The following NAPA variants were observed in gnomAD, a reference collection of about 807,000 sequenced individuals.
The protein encoded by NAPA is NSF attachment protein alpha.
NAPA carries 18 observed loss-of-function variants against 48.0 expected under a neutral mutation model. That is an observed-to-expected ratio of 0.38 (90% CI 0.26 to 0.56). The LOEUF (loss-of-function observed/expected upper bound fraction) is 0.56, where lower values mean the gene tolerates loss of function less well. Ranked by LOEUF, NAPA falls within the 20% of genes least tolerant of loss-of-function variation. The pLI is 0.77. For missense variants in NAPA, 315 were observed against 385.0 expected (o/e 0.82, Z 1.52); for synonymous variants, 152 against 149.9 (o/e 1.01, Z -0.10).
chr19:47,490,647 A>AAACAC (rs1261325817), intron 9 of NAPA, 141 bp downstream of exon 9: 35 of 517,628 alleles, frequency 6.8e-5, no homozygotes, highest in Middle Eastern at 4.8e-4. Flanking sequence ...TCAAATGGCC[A>AAACAC]AACAAAACAA....
At chr19:47,503,896 G>A (rs552364751) in intron 1 of NAPA, among the ~76,000 whole-genome samples, 1 of 152,328 alleles carries the variant, frequency 6.6e-6, no homozygotes, top group African/African-American at 2.4e-5. Flanking sequence ...GACTAGCCCA[G>A]TTTAAGACAT....
chr19:47,502,327 T>G (rs954060751), intron 2 of NAPA, among the ~76,000 whole-genome samples: 4 of 151,660 alleles, frequency 2.6e-5, no homozygotes, highest in African/African-American at 9.7e-5. Context: ...TTTGAAGAGT[T>G]TGGGGGCAGA....
At chr19:47,508,254 G>A (rs1310317819) in intron 1 of NAPA, among the ~76,000 whole-genome samples, 1 of 152,240 alleles carries the variant, frequency 6.6e-6, no homozygotes, top group Non-Finnish European at 1.5e-5. Flanking sequence ...AGGGAGCCGG[G>A]GGCCACCAGC....
Position 47,488,145 on chromosome 19 carries a change from T to A in NAPA, c.*143A>T. 1 of 696,748 alleles carries A rather than the reference T, an allele frequency of 1.4e-6. No individual in the cohort carries two copies. Among genetic ancestry groups the A allele is most frequent in the South Asian group, 1.8e-5 (1 of 55,916 alleles). The allele number at this position is 696,748 out of a possible 1,614,324, so 43.2% of individuals were successfully genotyped here. A position where few individuals can be genotyped will look rare whatever the true frequency, so the allele number is the denominator to read the frequency against. On this transcript the variant is annotated 3_prime_UTR_variant, in exon 11 of 11. Transcript: ENST00000263354. ...AGCCTGGGCCTCTGGCGCCCCTGCA[T>A]GCTGACCCCCGGTGCCACCTGCCCA...
intron 1 of NAPA, among the ~76,000 whole-genome samples, chr19:47,510,576 T>G (rs950553748): frequency 2.0e-5 from 3 of 152,218 alleles, no homozygotes; most frequent in African/African-American, 4.8e-5. Context: ...AAACTCCCTC[T>G]ACACGTTTGT....
At chr19:47,505,348 T>C (rs1202777196) in intron 1 of NAPA, 1 of 152,184 alleles carries the variant, frequency 6.6e-6, no homozygotes, top group Non-Finnish European at 1.5e-5. Context: ...TGGGAACTTG[T>C]CCACACCAAC....
rs1205331519 is a variant in NAPA, at chr19:47,492,767, C to T, written c.561+194G>A. The T allele has an allele frequency of 8.6e-6, 6 of 699,310 alleles. No individual in the cohort carries two copies. The East Asian group carries it at 1.6e-4, about 19-fold the overall frequency. The allele number at this position is 699,310 out of a possible 1,614,324, so 43.3% of individuals were successfully genotyped here. On this transcript the variant is annotated intron_variant, in intron 7 of 10. Transcript: ENST00000263354. ...AGGGAGAGAGACGGTGCTGGCACGG[C>T]ATGGAGTCGTAGGTGGAGAACATTC... is the stretch of plus-strand genomic sequence containing the variant.
chr19:47,490,347 ATG>A (rs1484360606), intron 9 of NAPA, among the ~76,000 whole-genome samples: 1 of 96,638 alleles, frequency 1.0e-5, no homozygotes, highest in African/African-American at 4.2e-5. Flanking sequence ...GTGGTGTGTG[ATG>A]TGTTTGCTGT....
chr19:47,491,982 G>A (rs1968279379), intron 8 of NAPA, 33 bp downstream of exon 8: 2 of 1,585,892 alleles, frequency 1.3e-6, no homozygotes, highest in East Asian at 2.2e-5. Flanking sequence ...TGGTGGCCTG[G>A]TGCGGTGGTC....
chr19:47,493,515 G>T lies in NAPA; in HGVS notation c.343-22C>A. On this transcript the variant is annotated intron_variant, in intron 4 of 10. Coordinates refer to ENST00000263354, the MANE Select transcript of NAPA (RefSeq NM_003827.4). The surrounding 1 kb of genome is among the most constrained non-coding windows in gnomAD (Gnocchi z 6.4). ...GGCCCTGGAGGGGACACAGGAAGGG[G>T]CTGCCTGCGACTCATGACCTCCTGC... The T allele has an allele frequency of 6.2e-7, 1 of 1,610,310 alleles. No individual in the cohort carries two copies.
intron 2 of NAPA, 63 bp downstream of exon 2, chr19:47,503,360 G>T: frequency 2.0e-6 from 3 of 1,472,702 alleles, no homozygotes; most frequent in Non-Finnish European, 2.9e-6. Flanking sequence ...GGGCAGGCCT[G>T]TGTGAGTGGA....
At chr19:47,502,291 C>T (rs1011645078) in intron 2 of NAPA, among the ~76,000 whole-genome samples, 7 of 147,030 alleles carry the variant, frequency 4.8e-5, no homozygotes, top group Non-Finnish European at 7.5e-5. Flanking sequence ...GGGATATTAC[C>T]GGGGGGAAAT....
At position 47,499,152 on chromosome 19, in the gene NAPA, A is replaced by G. The variant is rs57347852; in HGVS notation, c.295+1481T>C. ...GCAGAGTCTCGCTGGAGAGCTAGAA[A>G]AGCTCAGATCAAACGCAGGGGAGGG... On this transcript the variant is annotated intron_variant, in intron 3 of 10. Coordinates refer to ENST00000263354, the MANE Select transcript of NAPA (RefSeq NM_003827.4). 3.1e-3 allele frequency among the ~76,000 whole-genome samples: 479 copies of G among 152,314 alleles called. 1 individual carries two copies. Among genetic ancestry groups the G allele is most frequent in the African/African-American group, 0.011 (451 of 41,570 alleles).
At chr19:47,488,630 A>G (rs1968149400) in intron 10 of NAPA, 3 of 296,394 alleles carry the variant, frequency 1.0e-5, no homozygotes, top group East Asian at 5.5e-5. Context: ...AAAAAAAAAA[A>G]GGTCCATGGC....
chr19:47,490,906 G>A (rs781486873), intron 8 of NAPA, 50 bp from the exon 9 acceptor site: 3 of 1,552,120 alleles, frequency 1.9e-6, no homozygotes, highest in Non-Finnish European at 2.7e-6. Flanking sequence ...AGGGTCCTCA[G>A]AGCTACTGGC....
intron 1 of NAPA, among the ~76,000 whole-genome samples, chr19:47,509,349 T>TAAAATAAAATAAAAA (rs869068004): frequency 1.1e-4 from 10 of 92,156 alleles, no homozygotes; most frequent in African/African-American, 4.0e-4. Flanking sequence ...TAAAATAAAA[T>TAAAATAAAATAAAAA]AAATAAAATA....
chr19:47,501,581 T>C (rs1440529480), intron 2 of NAPA: 1 of 152,306 alleles, frequency 6.6e-6, no homozygotes, highest in African/African-American at 2.4e-5. Flanking sequence ...ACAGCAAGAA[T>C]GAATACATGC....
chr19:47,493,504 C>T lies in NAPA; in HGVS notation c.343-11G>A. ...AATCGTGAATCGGCCCTGGAGGGGA[C>T]ACAGGAAGGGGCTGCCTGCGACTCA... is the stretch of plus-strand genomic sequence containing the variant. On this transcript the variant is annotated splice_polypyrimidine_tract_variant and intron_variant, in intron 4 of 10. Coordinates refer to ENST00000263354, the MANE Select transcript of NAPA (RefSeq NM_003827.4). The surrounding 1 kb of genome is among the most constrained non-coding windows in gnomAD (Gnocchi z 6.4). 6.2e-7 allele frequency: 1 copy of T among 1,613,356 alleles called. No homozygotes were observed. Among genetic ancestry groups the T allele is most frequent in the Non-Finnish European group, 8.5e-7 (1 of 1,179,642 alleles).
intron 1 of NAPA, among the ~76,000 whole-genome samples, chr19:47,509,354 A>AAAAT (rs1968761634): frequency 3.5e-5 from 5 of 144,900 alleles, no homozygotes; most frequent in African/African-American, 1.0e-4. Context: ...TAAAATAAAT[A>AAAAT]AAATAAAATA....
Sources: allele counts gnomAD v4.1 joint callset (sites outside exome capture counted in the v4.1 genomes callset), GRCh38; gene constraint gnomAD v4.1.1; non-coding constraint Gnocchi (gnomAD v3.1); transcripts MANE v1.5; gene names NCBI Gene and HGNC (gene_info 2026-07-23, HGNC 2026-07-21).